The following EGFL6 variants were observed in gnomAD, a reference collection of about 807,000 sequenced individuals.
EGFL6 encodes the protein EGF like domain multiple 6, also known as epidermal growth factor-like protein 6.
EGFL6 carries 42 observed loss-of-function variants against 43.1 expected under a neutral mutation model. The ratio of observed to expected loss-of-function variants is 0.98; its 90% CI spans 0.76 to 1.26. The LOEUF is 1.26. Ranked by LOEUF, EGFL6 falls within the 50% of genes most tolerant of loss-of-function variation. EGFL6 has a pLI of 0.00. For synonymous variants in EGFL6, 164 were observed against 163.2 expected (o/e 1.01, Z -0.04); for missense variants, 429 against 427.8 (o/e 1.00, Z -0.02).
In EGFL6 at chrX:13,624,663, C is replaced by A. The variant is rs902283454; in HGVS notation, c.1285+738C>A. ...ACTATATAATTAAAGTCAACTGTTA[C>A]ACCTTCAGGGACTCCAGTTACTTAT... On this transcript the variant is annotated intron_variant, in intron 10 of 11. Transcript: ENST00000361306. Among the ~76,000 whole-genome samples the A allele has an allele frequency of 2.7e-5, 3 of 111,787 alleles. No homozygotes were observed. The East Asian group carries it at 8.4e-4, about 31-fold the overall frequency.
At chrX:13,596,095 C>G (rs920211506) in intron 3 of EGFL6, 1 of 112,238 alleles carries the variant, frequency 8.9e-6, no homozygotes, top group Non-Finnish European at 1.9e-5. Context: ...ATGATAATAT[C>G]TATAACAGTG....
At position 13,608,363 on chromosome X, in the gene EGFL6, A is replaced by G; in HGVS notation, c.695A>G (p.His232Arg). Residue 232 changes from histidine (H) to arginine (R), a missense_variant, in exon 7 of 12, where the codon CAC (histidine) becomes CGC (arginine). Transcript: ENST00000361306. ...ACTATGGATAGCCATACGTGCAGCCACCATGCCAATTGCTTCAATACCCAA... is the reference window on the plus strand; with the variant it reads ...ACTATGGATAGCCATACGTGCAGCCGCCATGCCAATTGCTTCAATACCCAA... ...ECTMDSHTCS[H>R]HANCFNTQGS... 1 of 1,211,422 alleles carries G rather than the reference A, an allele frequency of 8.3e-7. No homozygotes were observed.
intron 11 of EGFL6, among the ~76,000 whole-genome samples, chrX:13,630,322 A>C (rs1353346739): frequency 1.8e-5 from 2 of 111,820 alleles, no homozygotes; most frequent in East Asian, 5.6e-4. Context: ...TATAGTGAAA[A>C]ACACAAAATT....
At chrX:13,632,183 T>C (rs2045814673) in intron 11 of EGFL6, among the ~76,000 whole-genome samples, 1 of 108,251 alleles carries the variant, frequency 9.2e-6, no homozygotes. Flanking sequence ...GGCTCACGCC[T>C]GTAATCCCAG....
At chrX:13,623,729 G>A (rs1036483320) in intron 9 of EGFL6, 95 bp from the exon 10 acceptor site, 14 of 627,965 alleles carry the variant, frequency 2.2e-5, no homozygotes, top group African/African-American at 4.4e-5. Context: ...TACTCTGTGC[G>A]ACTGAAAACA....
intron 2 of EGFL6, among the ~76,000 whole-genome samples, chrX:13,591,331 A>G: frequency 9.0e-6 from 1 of 111,642 alleles, no homozygotes; most frequent in Admixed American, 9.5e-5. Flanking sequence ...AACTTGTGAG[A>G]CCCAGCATGT....
chrX:13,628,417 G>A (rs2045792614), intron 11 of EGFL6, among the ~76,000 whole-genome samples: 1 of 110,594 alleles, frequency 9.0e-6, no homozygotes, highest in Non-Finnish European at 1.9e-5. Flanking sequence ...ACCTTTGCAA[G>A]AGTTCTTTCT....
At chrX:13,625,905 AAAAAG>A (rs1475127283) in intron 10 of EGFL6, among the ~76,000 whole-genome samples, 1 of 39,648 alleles carries the variant, frequency 2.5e-5, no homozygotes, top group Non-Finnish European at 5.5e-5. Flanking sequence ...AAAAAAAAAG[AAAAAG>A]AAAAAAAGAA....
At chrX:13,582,998 G>A (rs2045515617) in intron 1 of EGFL6, among the ~76,000 whole-genome samples, 1 of 111,615 alleles carries the variant, frequency 9.0e-6, no homozygotes, top group Non-Finnish European at 1.9e-5. Flanking sequence ...CTTCTAAGGA[G>A]GCTGTTTTGT....
rs1327694603 is a variant in EGFL6, at chrX:13,608,452, T to C, written c.778+6T>C. The C allele has an allele frequency of 2.5e-6, 3 of 1,207,342 alleles. No homozygotes were observed. The highest frequency in any genetic ancestry group is 1.8e-5 in the African/African-American group (1 of 57,068). ...CAATGGACTTCGGTGTTCTGGTAAG[T>C]AGCATTTGGTCATGGTGTCTTAGCT... is the stretch of plus-strand genomic sequence containing the variant. On this transcript the variant is annotated splice_donor_region_variant and intron_variant, in intron 7 of 11. Coordinates refer to ENST00000361306, the MANE Select transcript of EGFL6 (RefSeq NM_015507.4).
In EGFL6 at chrX:13,599,935, A is replaced by G. The variant is rs1334607303; in HGVS notation, c.281-40A>G. 5 of 1,200,990 alleles carry G rather than the reference A, an allele frequency of 4.2e-6. No individual in the cohort carries two copies. In the East Asian group the frequency reaches 1.5e-4, roughly 36 times the overall value. ...ATATTCCCCATCTGGAAGTTTCCTG[A>G]TTCAGTTCACCTTTCCCTGTTTTCT... On this transcript the variant is annotated intron_variant, in intron 3 of 11. Coordinates refer to ENST00000361306, the MANE Select transcript of EGFL6 (RefSeq NM_015507.4).
At chrX:13,612,353 C>G (rs373767785) in intron 7 of EGFL6, among the ~76,000 whole-genome samples, 4 of 103,575 alleles carry the variant, frequency 3.9e-5, no homozygotes, top group African/African-American at 1.4e-4. Context: ...TCAGAGAGCA[C>G]GGGGTTGGGG....
At chrX:13,632,950 T>C (rs2045821402) in intron 11 of EGFL6, 35 bp from the exon 12 acceptor site, 1 of 1,135,714 alleles carries the variant, frequency 8.8e-7, no homozygotes, top group Admixed American at 2.2e-5. Context: ...TTTGAACAGT[T>C]TGGAGTAATT....
At chrX:13,627,308 T>C in intron 11 of EGFL6, 32 bp downstream of exon 11, 1 of 1,182,536 alleles carries the variant, frequency 8.5e-7, no homozygotes, top group Non-Finnish European at 1.1e-6. Context: ...AAACTCAATA[T>C]TTGCATTCTT....
intron 9 of EGFL6, 102 bp downstream of exon 9, chrX:13,619,345 C>G: frequency 8.3e-6 from 6 of 721,018 alleles, no homozygotes; most frequent in Non-Finnish European, 1.3e-5. Context: ...CTGCTTCATT[C>G]GTAAACCCCC....
chrX:13,573,583 A>G (rs1021846284), intron 1 of EGFL6, among the ~76,000 whole-genome samples: 2 of 112,341 alleles, frequency 1.8e-5, no homozygotes, highest in Non-Finnish European at 3.8e-5. Flanking sequence ...TAGTCTTCAT[A>G]AATCAGATTG....
chrX:13,608,429 A>G lies in EGFL6; in HGVS notation c.761A>G (p.Asn254Ser). ...KCKCKQGYKG[N>S]GLRCSAIPEN... is the part of the protein sequence containing the mutation. The stretch of plus-strand genomic sequence containing the variant: ...AAATGCAAGCAGGGATATAAAGGCA[A>G]TGGACTTCGGTGTTCTGGTAAGTAG... Residue 254 changes from asparagine to serine, a missense_variant, in exon 7 of 12, where the codon AAT (asparagine) becomes AGT (serine). Coordinates refer to ENST00000361306, the MANE Select transcript of EGFL6 (RefSeq NM_015507.4). 8.3e-7 allele frequency: 1 copy of G among 1,211,235 alleles called. No individual in the cohort carries two copies. The highest frequency in any genetic ancestry group is 1.1e-6 in the Non-Finnish European group (1 of 895,121).
intron 2 of EGFL6, among the ~76,000 whole-genome samples, chrX:13,593,034 T>G (rs200416478): frequency 9.3e-6 from 1 of 107,604 alleles, no homozygotes; most frequent in African/African-American, 3.4e-5. Flanking sequence ...CCTGCCTCAG[T>G]CTCCCAAGTA....
intron 11 of EGFL6, among the ~76,000 whole-genome samples, chrX:13,629,738 C>A (rs919603120): frequency 2.7e-5 from 3 of 112,129 alleles, no homozygotes; most frequent in African/African-American, 9.7e-5. Context: ...TTTCTGAATC[C>A]AAAGCCCCAT....
Sources: allele counts gnomAD v4.1 joint callset (sites outside exome capture counted in the v4.1 genomes callset), GRCh38; gene constraint gnomAD v4.1.1; transcripts MANE v1.5; gene names NCBI Gene and HGNC (gene_info 2026-07-23, HGNC 2026-07-21).